Variants in NSUN7 observed in about 807,000 individuals in gnomAD.
NSUN7 encodes the protein NOP2/Sun RNA methyltransferase family member 7.
In NSUN7, 39 loss-of-function variants were observed where a neutral mutation model predicts 58.5. The observed-to-expected ratio is 0.67, with a 90% CI of 0.52 to 0.87. The LOEUF (loss-of-function observed/expected upper bound fraction) is 0.87, where lower values mean the gene tolerates loss of function less well. Ranked by LOEUF, NSUN7 falls within the 40% of genes least tolerant of loss-of-function variation. The pLI is 0.00. For synonymous variants in NSUN7, 278 were observed against 303.7 expected (o/e 0.92, Z 0.88); for missense variants, 765 against 844.1 (o/e 0.91, Z 1.16).
At chr4:40,760,596 C>G in intron 3 of NSUN7, 104 bp downstream of exon 3, 1 of 875,736 alleles carries the variant, frequency 1.1e-6, no homozygotes, top group Non-Finnish European at 1.8e-6. Context: ...GGCGCAGTGG[C>G]TCACACCTGT....
intron 2 of NSUN7, 94 bp from the exon 3 acceptor site, chr4:40,760,340 T>G: frequency 1.2e-6 from 1 of 851,178 alleles, no homozygotes; most frequent in Admixed American, 2.3e-5. Context: ...TGAAAGTAAA[T>G]GTATTTTATG....
chr4:40,761,115 A>G, intron 3 of NSUN7, 56 bp from the exon 4 acceptor site: 1 of 1,359,186 alleles, frequency 7.4e-7, no homozygotes, highest in Non-Finnish European at 1.0e-6. Flanking sequence ...AATGGAAAAT[A>G]TTGCTGGTTA....
At chr4:40,785,267 C>T (rs1244912744) in intron 7 of NSUN7, among the ~76,000 whole-genome samples, 1 of 151,828 alleles carries the variant, frequency 6.6e-6, no homozygotes, top group African/African-American at 2.4e-5. Flanking sequence ...GATGAGTCAC[C>T]ACACCTAGCT....
rs1741453695 is a variant in NSUN7, at chr4:40,761,297, A to C, written c.484A>C (p.Asn162His). The change falls in exon 4 of 12, where the codon AAC (asparagine) becomes CAC (histidine). Residue 162 changes from asparagine to histidine, a missense_variant. Transcript: ENST00000381782. The stretch of plus-strand genomic sequence containing the variant: ...AGTTCAAGAAGTAGAGAACCTTCTT[A>C]ACAGGTAATCGTAAAAGTGAAAAGA... ...SEVQEVENLL[N>H]SFKIKLAAAL... 6.3e-7 allele frequency: 1 copy of C among 1,599,120 alleles called. No individual in the cohort carries two copies. Among genetic ancestry groups the C allele is most frequent in the Non-Finnish European group, 8.5e-7 (1 of 1,175,000 alleles).
In NSUN7 at chr4:40,807,296, A is replaced by C. The variant is rs1322390381; in HGVS notation, c.1524+112A>C. 16 of 975,532 alleles carry C rather than the reference A, an allele frequency of 1.6e-5. No homozygotes were observed. In the Admixed American group the frequency reaches 3.1e-4, roughly 19 times the overall value. 60.4% of individuals were successfully genotyped at this position (975,532 alleles called of 1,614,324 possible). A position where few individuals can be genotyped will look rare whatever the true frequency, so the allele number is the denominator to read the frequency against. On this transcript the variant is annotated intron_variant, in intron 11 of 11. Transcript: ENST00000381782. ...TTCTGTAAAGATGTGTTTGCATTTC[A>C]CAAACACATTTCAGCTGAAGGGCAG... is the stretch of plus-strand genomic sequence containing the variant.
In NSUN7 at chr4:40,790,683, T is replaced by A. The variant is rs1236908110; in HGVS notation, c.1118T>A (p.Leu373Gln). The change falls in exon 8 of 12, where the codon CTA becomes CAA. Residue 373 changes from leucine to glutamine, a missense_variant. By Grantham distance (113) the Leu-to-Gln change is moderately radical. Transcript: ENST00000381782. ...CAGAAAGTTAAAGTGATTTTGCTGCTACCTCGTTGTTCAGGACTGGGTGTT... is the reference window on the plus strand; with the variant it reads ...CAGAAAGTTAAAGTGATTTTGCTGCAACCTCGTTGTTCAGGACTGGGTGTT... The part of the protein sequence containing the change: ...RLQKVKVILL[L>Q]PRCSGLGVSN... 1 of 1,603,722 alleles carries A rather than the reference T, an allele frequency of 6.2e-7. No individual in the cohort carries two copies. The highest frequency in any genetic ancestry group is 1.1e-5 in the South Asian group (1 of 88,952).
At chr4:40,772,329 G>A (rs1742053611) in intron 4 of NSUN7, among the ~76,000 whole-genome samples, 1 of 152,056 alleles carries the variant, frequency 6.6e-6, no homozygotes, top group Non-Finnish European at 1.5e-5. Context: ...TCTATACTCA[G>A]AATATCTCAC....
intron 8 of NSUN7, 51 bp from the exon 9 acceptor site, chr4:40,794,323 TA>T: frequency 1.0e-6 from 1 of 998,482 alleles, no homozygotes; most frequent in Non-Finnish European, 1.5e-6. Flanking sequence ...TAACAATATG[TA>T]AAAAGTTTTT....
intron 2 of NSUN7, 30 bp downstream of exon 2, chr4:40,751,021 C>G (rs745611118): frequency 1.2e-6 from 2 of 1,602,068 alleles, no homozygotes; most frequent in East Asian, 2.2e-5. Context: ...AAGATCAACA[C>G]TAAAAGAAAA....
chr4:40,805,389 A>C (rs2154289510), intron 10 of NSUN7, among the ~76,000 whole-genome samples: 1 of 152,092 alleles, frequency 6.6e-6, no homozygotes, highest in African/African-American at 2.4e-5. Context: ...AGGCCACTTT[A>C]TTCCTTGTCC....
At chr4:40,803,299 C>G (rs1400769485) in intron 10 of NSUN7, among the ~76,000 whole-genome samples, 1 of 152,070 alleles carries the variant, frequency 6.6e-6, no homozygotes, top group African/African-American at 2.4e-5. Context: ...TGGGTATATA[C>G]CCAGTAATGG....
chr4:40,788,091 C>G (rs1742916171), intron 7 of NSUN7, among the ~76,000 whole-genome samples: 2 of 152,194 alleles, frequency 1.3e-5, no homozygotes, highest in African/African-American at 4.8e-5. Flanking sequence ...CCTCGGCCTC[C>G]CAAAGTGCTG....
At chr4:40,770,210 CAAA>C (rs36059628) in intron 4 of NSUN7, among the ~76,000 whole-genome samples, 20 of 94,734 alleles carry the variant, frequency 2.1e-4, no homozygotes, top group Admixed American at 3.5e-4. Context: ...AACTCCATCT[CAAA>C]AAAAAAAAAA....
chr4:40,803,430 A>T (rs933201940), intron 10 of NSUN7, among the ~76,000 whole-genome samples: 1 of 152,128 alleles, frequency 6.6e-6, no homozygotes, highest in Middle Eastern at 3.2e-3. Context: ...CTATTTCTCC[A>T]CATCCTCTCC....
intron 10 of NSUN7, among the ~76,000 whole-genome samples, chr4:40,802,147 T>C (rs1010178289): frequency 1.3e-5 from 2 of 152,176 alleles, no homozygotes; most frequent in Admixed American, 6.5e-5. Context: ...AGGTTTATTT[T>C]TTCCCCAAAT....
chr4:40,804,438 CAA>C (rs397817300), intron 10 of NSUN7, among the ~76,000 whole-genome samples: 6 of 109,188 alleles, frequency 5.5e-5, no homozygotes, highest in Non-Finnish European at 3.9e-5. Context: ...GACTCCATCT[CAA>C]AAAAAAAAAA....
chr4:40,774,083 C>A (rs1742147806), intron 4 of NSUN7, among the ~76,000 whole-genome samples, 182 bp from the exon 5 acceptor site: 1 of 152,188 alleles, frequency 6.6e-6, no homozygotes, highest in Non-Finnish European at 1.5e-5. Context: ...CAGGCATGAG[C>A]CGCTGCGCCT....
chr4:40,792,627 TGTA>T (rs1743133519), intron 8 of NSUN7, among the ~76,000 whole-genome samples: 2 of 152,046 alleles, frequency 1.3e-5, no homozygotes, highest in Admixed American at 1.3e-4. Context: ...GGCGGGCGCC[TGTA>T]GTCCCAGCTA....
At position 40,790,730 on chromosome 4, in the gene NSUN7, T is replaced by C; in HGVS notation, c.1165T>C (p.Leu389=). The C allele has an allele frequency of 1.3e-6, 2 of 1,581,596 alleles. No individual in the cohort carries two copies. Among genetic ancestry groups the C allele is most frequent in the Non-Finnish European group, 1.7e-6 (2 of 1,169,130 alleles). The part of the protein sequence containing the change: ...LGVSNPVEFI[L]NEHEDTEFLK... ...TGTTAGTAATCCAGTAGAATTTATT[T>C]TAAATGAACATGAAGGTACTTGTTT... Residue 389 remains leucine (L), a synonymous_variant, in exon 8 of 12, where the codon TTA becomes CTA. Coordinates refer to ENST00000381782, the MANE Select transcript of NSUN7 (RefSeq NM_024677.6).
Sources: gnomAD v4.1 joint callset for allele counts (sites outside exome capture counted in the v4.1 genomes callset) on GRCh38, gnomAD v4.1.1 for gene constraint, MANE v1.5 for transcripts, NCBI Gene and HGNC (gene_info 2026-07-23, HGNC 2026-07-21) for gene names.